RNF19A: variants seen among roughly 807,000 people sequenced by gnomAD.
RNF19A encodes ring finger protein 19A, RBR E3 ubiquitin protein ligase, also known as E3 ubiquitin-protein ligase RNF19A.
A neutral mutation model predicts 75.7 loss-of-function variants in RNF19A; 32 were observed. The ratio of observed to expected loss-of-function variants is 0.42; its 90% CI spans 0.32 to 0.57. RNF19A has a LOEUF of 0.57. RNF19A is among the 20% of genes least tolerant of loss of function. RNF19A has a pLI of 0.10. For synonymous variants in RNF19A, 335 were observed against 345.2 expected (o/e 0.97, Z 0.33); for missense variants, 782 against 1,036.3 (o/e 0.75, Z 3.37).
At position 100,259,111 on chromosome 8, in the gene RNF19A, A is replaced by G; in HGVS notation, c.1962T>C (p.Pro654=). Residue 654 remains proline, a synonymous_variant, in exon 10 of 10, where the codon CCT becomes CCC. Coordinates refer to ENST00000341084, the MANE Select transcript of RNF19A (RefSeq NM_183419.4). This position sits in a 1 kb window ranked among gnomAD's most constrained non-coding sequence, Gnocchi z 4.5. The stretch of plus-strand genomic sequence containing the variant: ...ACTTGGTGGCACTAGATTTACCTTC[A>G]GGCAAGCCACTGGATGAACCGCCAG... The part of the protein sequence containing the change: ...SHAGGSSSGL[P]EGKSSATKWS... 1 of 1,614,108 alleles carries G rather than the reference A, an allele frequency of 6.2e-7. No homozygotes were observed. The highest frequency in any genetic ancestry group is 1.3e-5 in the African/African-American group (1 of 75,016).
At position 100,261,845 on chromosome 8, in the gene RNF19A, T is replaced by C. The variant is rs1166605256; in HGVS notation, c.1469-90A>G. 8 of 1,296,110 alleles carry C rather than the reference T, an allele frequency of 6.2e-6. No individual in the cohort carries two copies. In the Admixed American group the frequency reaches 7.0e-5, roughly 11 times the overall value. 80.3% of individuals were successfully genotyped at this position (1,296,110 alleles called of 1,614,324 possible). ...CTCCATGATTTCAGAGAGGACATTA[T>C]ATAAGGTATAAAATATACGCAGACA... On this transcript the variant is annotated intron_variant, in intron 7 of 9. Coordinates refer to ENST00000341084, the MANE Select transcript of RNF19A (RefSeq NM_183419.4). This position sits in a 1 kb window ranked among gnomAD's most constrained non-coding sequence, Gnocchi z 4.4.
At position 100,284,391 on chromosome 8, in the gene RNF19A, C is replaced by A. The variant is rs1487622600; in HGVS notation, c.674+3110G>T. Among the ~76,000 whole-genome samples, 1 of 152,102 alleles carries A rather than the reference C, an allele frequency of 6.6e-6. No individual in the cohort carries two copies. The highest frequency in any genetic ancestry group is 1.5e-5 in the Non-Finnish European group (1 of 67,964). On this transcript the variant is annotated intron_variant, in intron 2 of 9. Coordinates refer to ENST00000341084, the MANE Select transcript of RNF19A (RefSeq NM_183419.4). The surrounding 1 kb of genome is among the most constrained non-coding windows in gnomAD (Gnocchi z 4.3). ...CCAAGTATGTGAAATACGACCATAA[C>A]AACTAACAGAGCAGTATAAGTCAAA...
At chr8:100,314,448 C>G (rs989058397), upstream of RNF19A, among the ~76,000 whole-genome samples, 1 of 152,072 alleles carries the variant, frequency 6.6e-6, no homozygotes, top group Non-Finnish European at 1.5e-5. The surrounding 1 kb of genome is among the most constrained non-coding windows in gnomAD (Gnocchi z 4.1). Context: ...TTGGACCATC[C>G]GGCAGGCTGG....
chr8:100,294,237 C>T (rs1435364523), intron 1 of RNF19A, among the ~76,000 whole-genome samples: 1 of 152,104 alleles, frequency 6.6e-6, no homozygotes, highest in East Asian at 1.9e-4. Context: ...TTTTATTATA[C>T]TGGGCAATTA....
rs945621936 is a variant in RNF19A at position 100,287,017 on chromosome 8, T to C, written c.674+484A>G. Among the ~76,000 whole-genome samples, 4 of 152,144 alleles carry C rather than the reference T, an allele frequency of 2.6e-5. No homozygotes were observed. The highest frequency in any genetic ancestry group is 9.7e-5 in the African/African-American group (4 of 41,430). On this transcript the variant is annotated intron_variant, in intron 2 of 9. Transcript: ENST00000341084. This position sits in a 1 kb window ranked among gnomAD's most constrained non-coding sequence, Gnocchi z 4.1. The stretch of plus-strand genomic sequence containing the variant: ...TGAGACTAGCAAATGCTTATGTATA[T>C]CAACATGAACACATCATACTGTGGC...
chr8:100,292,838 C>T (rs188411207), intron 1 of RNF19A, among the ~76,000 whole-genome samples: 2 of 152,206 alleles, frequency 1.3e-5, no homozygotes, highest in East Asian at 3.9e-4. Flanking sequence ...GCTCTATAAG[C>T]TTACCAAGTC....
rs1331926798 is a variant in RNF19A, at chr8:100,288,262, G to T, written c.-88C>A. The T allele has an allele frequency of 1.5e-6, 2 of 1,365,828 alleles. No homozygotes were observed. Among genetic ancestry groups the T allele is most frequent in the African/African-American group, 2.9e-5 (2 of 68,322 alleles). 84.6% of individuals were successfully genotyped at this position (1,365,828 alleles called of 1,614,324 possible). On this transcript the variant is annotated 5_prime_UTR_variant, in exon 2 of 10. Coordinates refer to ENST00000341084, the MANE Select transcript of RNF19A (RefSeq NM_183419.4). Reference sequence around the variant, plus strand: ...CGATTTACAGAAGACTGCTATCATGGATGTTCTGAAAAATAAAAAATAAAA... The same window carrying T: ...CGATTTACAGAAGACTGCTATCATGTATGTTCTGAAAAATAAAAAATAAAA...
chr8:100,326,580 C>T (rs544562175), intron 1 of RNF19A, among the ~76,000 whole-genome samples: 178 of 152,162 alleles, frequency 1.2e-3, no homozygotes, highest in African/African-American at 4.0e-3. Flanking sequence ...TTACTGATAC[C>T]ATTCAATAAA....
Position 100,261,635 on chromosome 8 carries a change from TCTCGGATGG to T in RNF19A, c.1580_1588del (p.Ala527_Arg529del), listed in dbSNP as rs1385556101. 4 of 1,614,014 alleles carry T rather than the reference TCTCGGATGG, an allele frequency of 2.5e-6. No homozygotes were observed. Among genetic ancestry groups the T allele is most frequent in the Non-Finnish European group, 3.4e-6 (4 of 1,180,034 alleles). On this transcript the variant is annotated inframe_deletion, in exon 8 of 10. Transcript: ENST00000341084. The surrounding 1 kb of genome is among the most constrained non-coding windows in gnomAD (Gnocchi z 4.4). Reference sequence around the variant, plus strand: ...GGTGCTGGCCGTTTCACTCAGGTTGTCTCGGATGGCTCCTATTCGATCCATGTGGCTTCC... The same window carrying T: ...GGTGCTGGCCGTTTCACTCAGGTTGTCTCCTATTCGATCCATGTGGCTTCC...
upstream of RNF19A, among the ~76,000 whole-genome samples, chr8:100,313,132 G>A (rs183253046): frequency 3.9e-5 from 6 of 152,132 alleles, no homozygotes; most frequent in African/African-American, 1.2e-4. Flanking sequence ...ACATCAATTC[G>A]ATAAACATTT....
intron 1 of RNF19A, among the ~76,000 whole-genome samples, chr8:100,334,875 T>A (rs1412122743): frequency 6.6e-6 from 1 of 152,216 alleles, no homozygotes; most frequent in Non-Finnish European, 1.5e-5. Flanking sequence ...AATTGACAAC[T>A]GTCTGCACTG....
At chr8:100,308,407 A>C (rs1369791900) in intron 1 of RNF19A, among the ~76,000 whole-genome samples, 1 of 152,222 alleles carries the variant, frequency 6.6e-6, no homozygotes, top group Non-Finnish European at 1.5e-5. Flanking sequence ...TAACAAGGAA[A>C]GAACATTTGA....
rs1265665790 is a variant in RNF19A at position 100,259,788 on chromosome 8, C to T, written c.1826+66G>A. The T allele has an allele frequency of 2.8e-5, 40 of 1,409,724 alleles. No homozygotes were observed. The highest frequency in any genetic ancestry group is 3.5e-5 in the Non-Finnish European group (36 of 1,029,246). The allele number at this position is 1,409,724 out of a possible 1,614,324, so 87.3% of individuals were successfully genotyped here. On this transcript the variant is annotated intron_variant, in intron 9 of 9. Coordinates refer to ENST00000341084, the MANE Select transcript of RNF19A (RefSeq NM_183419.4). The surrounding 1 kb of genome is among the most constrained non-coding windows in gnomAD (Gnocchi z 4.5). ...TAGCCACTTTTCACTGGTAATTTGTCTAATGATAGGAATTATTCCTTTAAT... is the reference window on the plus strand; with the variant it reads ...TAGCCACTTTTCACTGGTAATTTGTTTAATGATAGGAATTATTCCTTTAAT...
chr8:100,314,918 A>T (rs565381112), upstream of RNF19A, among the ~76,000 whole-genome samples: 1 of 152,300 alleles, frequency 6.6e-6, no homozygotes, highest in East Asian at 1.9e-4. The surrounding 1 kb of genome is among the most constrained non-coding windows in gnomAD (Gnocchi z 4.1). Flanking sequence ...AGCTATGCAC[A>T]TGACATGCCT....
intron 5 of RNF19A, among the ~76,000 whole-genome samples, chr8:100,268,247 A>C (rs931186693): frequency 2.0e-5 from 3 of 152,120 alleles, no homozygotes; most frequent in Non-Finnish European, 4.4e-5. Context: ...TTAGCTAATG[A>C]AATATAATTC....
chr8:100,291,040 T>C (rs1821269213), intron 1 of RNF19A, among the ~76,000 whole-genome samples: 1 of 152,132 alleles, frequency 6.6e-6, no homozygotes, highest in Non-Finnish European at 1.5e-5. Flanking sequence ...AGAGTAGATC[T>C]GGACATGCAA....
intron 5 of RNF19A, among the ~76,000 whole-genome samples, chr8:100,267,737 T>C (rs1195134988): frequency 6.7e-6 from 1 of 149,622 alleles, no homozygotes; most frequent in East Asian, 2.0e-4. Flanking sequence ...AGTGCAATGG[T>C]GCAATCTCAG....
At chr8:100,282,151 TA>T (rs1203862866) in intron 2 of RNF19A, among the ~76,000 whole-genome samples, 1 of 152,182 alleles carries the variant, frequency 6.6e-6, no homozygotes, top group African/African-American at 2.4e-5. Flanking sequence ...TTTAGTCAAC[TA>T]ATTAGAGAAA....
Position 100,275,614 on chromosome 8 carries a change from C to A in RNF19A, c.675-453G>T, listed in dbSNP as rs1820470485. ...AGCCTAATCTCAATTTTATAAAAAA[C>A]CATATTAAATTAGTACAGTATTGTA... On this transcript the variant is annotated intron_variant, in intron 2 of 9. Transcript: ENST00000341084. The surrounding 1 kb of genome is among the most constrained non-coding windows in gnomAD (Gnocchi z 4.3). Among the ~76,000 whole-genome samples, 1 of 151,636 alleles carries A rather than the reference C, an allele frequency of 6.6e-6. No homozygotes were observed. The highest frequency in any genetic ancestry group is 2.1e-4 in the South Asian group (1 of 4,798).
Sources: gnomAD v4.1 joint callset for allele counts (sites outside exome capture counted in the v4.1 genomes callset) on GRCh38, gnomAD v4.1.1 for gene constraint, Gnocchi (gnomAD v3.1) non-coding constraint, MANE v1.5 for transcripts, NCBI Gene and HGNC (gene_info 2026-07-23, HGNC 2026-07-21) for gene names.